The following SHISA9 variants were observed in gnomAD, a reference collection of about 807,000 sequenced individuals.
The protein encoded by SHISA9 is protein shisa-9.
In SHISA9, 13 loss-of-function variants were observed where a neutral mutation model predicts 38.0. The ratio of observed to expected loss-of-function variants is 0.34; its 90% confidence interval spans 0.22 to 0.54. The LOEUF (loss-of-function observed/expected upper bound fraction) is 0.54, where lower values mean the gene tolerates loss of function less well. Ranked by LOEUF, SHISA9 falls within the 20% of genes least tolerant of loss-of-function variation. The pLI, the probability that SHISA9 is intolerant of heterozygous loss-of-function variation, is 0.91. For missense variants in SHISA9, 538 were observed against 575.8 expected, an observed-to-expected ratio of 0.93 and a Z score of 0.67; for synonymous variants, 275 against 242.0, an observed-to-expected ratio of 1.14 and a Z score of -1.27.
intron 2 of SHISA9, among the ~76,000 whole-genome samples, chr16:13,067,982 T>C (rs1357366727): frequency 1.3e-5 from 2 of 152,238 alleles, no homozygotes; most frequent in African/African-American, 2.4e-5. Flanking sequence ...TTTTTAATTG[T>C]CTGCCTTCTC....
chr16:13,487,845 G>C, the SHISA9 span, among the ~76,000 whole-genome samples: 1 of 152,190 alleles, frequency 6.6e-6, no homozygotes, highest in African/African-American at 2.4e-5. Context: ...CTTGGATACA[G>C]AGGACTAGCT....
intron 2 of SHISA9, among the ~76,000 whole-genome samples, chr16:13,051,550 C>T (rs75835062): frequency 0.063 from 9,588 of 152,144 alleles, 614 homozygotes; most frequent in East Asian, 0.17. Context: ...ATCCACTTGC[C>T]TTCATTTTTT....
At chr16:13,527,144 A>C in the SHISA9 span, among the ~76,000 whole-genome samples, 2 of 152,330 alleles carry the variant, frequency 1.3e-5, no homozygotes, top group Admixed American at 1.3e-4. Flanking sequence ...GTTTACTTCA[A>C]CAAACACTGT....
Position 13,210,018 on chromosome 16 carries a change from G to A in SHISA9, c.848-3235G>A, listed in dbSNP as rs558534084. Among the ~76,000 whole-genome samples the A allele has an allele frequency of 4.3e-4, 66 of 152,226 alleles. 2 individuals carry two copies. Among genetic ancestry groups the A allele is most frequent in the Middle Eastern group, 6.8e-3 (2 of 294 alleles). On this transcript the variant is annotated intron_variant, in intron 3 of 4. Transcript: ENST00000558583. ...TGGGAGGCTGAGGCAGGAGAATGGC[G>A]TGAACCCGGGAGGCGGAGCTCGCAG...
the SHISA9 span, among the ~76,000 whole-genome samples, chr16:13,459,582 C>A: frequency 6.6e-6 from 1 of 152,162 alleles, no homozygotes; most frequent in African/African-American, 2.4e-5. Context: ...CACTCTAGGA[C>A]CCACCTCAAA....
chr16:12,978,460 TG>T (rs1254618324), intron 2 of SHISA9, among the ~76,000 whole-genome samples: 1 of 152,234 alleles, frequency 6.6e-6, no homozygotes. Context: ...TCCATGTAGA[TG>T]GTAAATAATT....
chr16:13,402,163 G>A, the SHISA9 span, among the ~76,000 whole-genome samples: 1 of 151,650 alleles, frequency 6.6e-6, no homozygotes, highest in African/African-American at 2.4e-5. Flanking sequence ...ATTTATGATG[G>A]GAATTGGCTC....
the SHISA9 span, among the ~76,000 whole-genome samples, chr16:13,461,622 A>ATT: frequency 4.7e-5 from 5 of 106,672 alleles, no homozygotes; most frequent in African/African-American, 7.0e-5. Context: ...TTTTTTTTTT[A>ATT]ATTTTTTTTT....
chr16:13,547,376 T>C, the SHISA9 span, among the ~76,000 whole-genome samples: 1 of 152,130 alleles, frequency 6.6e-6, no homozygotes, highest in African/African-American at 2.4e-5. Flanking sequence ...TAAGAAGAGA[T>C]TTATCATGGG....
the SHISA9 span, among the ~76,000 whole-genome samples, chr16:13,349,017 C>T: frequency 6.6e-6 from 1 of 152,112 alleles, no homozygotes; most frequent in Admixed American, 6.5e-5. Flanking sequence ...GACATTTGTT[C>T]TTTGAAATTA....
chr16:13,442,644 T>A, the SHISA9 span, among the ~76,000 whole-genome samples: 9 of 152,230 alleles, frequency 5.9e-5, no homozygotes, highest in East Asian at 1.7e-3. Flanking sequence ...AATATTGTAC[T>A]TCAGATTTTC....
chr16:13,105,429 C>G (rs2073916730), intron 2 of SHISA9, among the ~76,000 whole-genome samples: 1 of 152,168 alleles, frequency 6.6e-6, no homozygotes, highest in Admixed American at 6.5e-5. Flanking sequence ...CACAACAGGT[C>G]TTCTGGTCTT....
the SHISA9 span, among the ~76,000 whole-genome samples, chr16:13,408,667 A>T: frequency 6.6e-6 from 1 of 152,232 alleles, no homozygotes; most frequent in Non-Finnish European, 1.5e-5. Flanking sequence ...TATGAGTTGT[A>T]TACTTTAGAA....
chr16:13,133,590 C>A (rs181924020), intron 2 of SHISA9, among the ~76,000 whole-genome samples: 3 of 152,138 alleles, frequency 2.0e-5, no homozygotes, highest in Admixed American at 2.0e-4. Flanking sequence ...ATATGAAAAG[C>A]GGACTATTTT....
chr16:13,410,297 A>T, the SHISA9 span, among the ~76,000 whole-genome samples: 1 of 152,208 alleles, frequency 6.6e-6, no homozygotes, highest in Admixed American at 6.5e-5. Flanking sequence ...TCAAAGTGAC[A>T]TCTTTCCAAT....
intron 2 of SHISA9, among the ~76,000 whole-genome samples, chr16:13,118,377 G>C (rs1472893835): frequency 6.6e-6 from 1 of 152,124 alleles, no homozygotes; most frequent in Non-Finnish European, 1.5e-5. Context: ...GAGCAAGGAG[G>C]AATTAGCCAG....
the SHISA9 span, among the ~76,000 whole-genome samples, chr16:13,497,051 A>C: frequency 2.0e-5 from 3 of 152,180 alleles, no homozygotes; most frequent in Non-Finnish European, 4.4e-5. Context: ...AGCAGATGAG[A>C]CTGATCAAGA....
At chr16:13,273,476 C>G in the SHISA9 span, among the ~76,000 whole-genome samples, 2 of 152,212 alleles carry the variant, frequency 1.3e-5, no homozygotes, top group East Asian at 3.9e-4. Flanking sequence ...AGGGAATATC[C>G]CAGCACAAGC....
the SHISA9 span, among the ~76,000 whole-genome samples, chr16:13,526,665 C>T: frequency 1.3e-5 from 2 of 152,148 alleles, no homozygotes; most frequent in African/African-American, 4.8e-5. Flanking sequence ...GGATTACAGG[C>T]ATGAACTACC....
Sources: allele counts gnomAD v4.1 joint callset (sites outside exome capture counted in the v4.1 genomes callset), GRCh38; gene constraint gnomAD v4.1.1; transcripts MANE v1.5; gene names NCBI Gene and HGNC (gene_info 2026-07-23, HGNC 2026-07-21).